The following PHLDB1 variants were observed in gnomAD, a reference collection of about 807,000 sequenced individuals.
PHLDB1 encodes pleckstrin homology like domain family B member 1, also known as pleckstrin homology-like domain family B member 1.
Under a neutral mutation model 139.3 loss-of-function variants are expected in PHLDB1, and 65 were observed. The observed-to-expected ratio is 0.47, with a 90% CI of 0.38 to 0.57. PHLDB1 has a LOEUF of 0.57. Ranked by LOEUF, PHLDB1 falls within the 20% of genes least tolerant of loss-of-function variation. The pLI, the probability that PHLDB1 is intolerant of heterozygous loss-of-function variation, is 0.00. For missense variants in PHLDB1, 1,624 were observed against 1,839.7 expected, an observed-to-expected ratio of 0.88 and a Z score of 2.14; for synonymous variants, 679 against 734.5, an observed-to-expected ratio of 0.92 and a Z score of 1.22.
Position 118,639,214 on chromosome 11 carries a change from G to A in PHLDB1, c.2699G>A (p.Gly900Asp), listed in dbSNP as rs782422018. The part of the protein sequence containing the change: ...LERRYHSLTG[G>D]RPFPKTTSTL... ...AGGAGATACCACTCACTCACAGGGG[G>A]CAGGCCTTTCCCGAAGACCACATCG... is the stretch of plus-strand genomic sequence containing the variant. The change falls in exon 12 of 23, where the codon GGC (glycine) becomes GAC (aspartate). Residue 900 changes from glycine (G) to aspartate (D), a missense_variant. Coordinates refer to ENST00000600882, the MANE Select transcript of PHLDB1 (RefSeq NM_001144758.3). The A allele has an allele frequency of 6.2e-7, 1 of 1,614,138 alleles. No individual in the cohort carries two copies. Among genetic ancestry groups the A allele is most frequent in the South Asian group, 1.1e-5 (1 of 91,082 alleles).
intron 4 of PHLDB1, chr11:118,621,437 A>T (rs1352547579): frequency 6.6e-6 from 1 of 152,108 alleles, no homozygotes; most frequent in Non-Finnish European, 1.5e-5. Flanking sequence ...TAGAGCCGGC[A>T]GCTCGGGAGG....
Position 118,650,767 on chromosome 11 carries a change from T to A in PHLDB1, c.3874+220T>A, listed in dbSNP as rs1273946688. 3 of 571,292 alleles carry A rather than the reference T, an allele frequency of 5.3e-6. No homozygotes were observed. The South Asian group carries it at 6.1e-5, about 12-fold the overall frequency. The allele number at this position is 571,292 out of a possible 1,614,324, so 35.4% of individuals were successfully genotyped here. On this transcript the variant is annotated intron_variant, in intron 20 of 22. Coordinates refer to ENST00000600882, the MANE Select transcript of PHLDB1 (RefSeq NM_001144758.3). The surrounding 1 kb of genome is among the most constrained non-coding windows in gnomAD (Gnocchi z 4.7). ...CTTCATTCAGCAATGTTACTAAGCA[T>A]CTAGTAAGTTCTAGGCACTGTTCTA...
At chr11:118,641,467 G>A (rs939009237) in intron 12 of PHLDB1, 13 of 324,176 alleles carry the variant, frequency 4.0e-5, no homozygotes, top group African/African-American at 1.1e-4. Flanking sequence ...GGATGAGGGT[G>A]TCGAGTTGAG....
At position 118,620,596 on chromosome 11, in the gene PHLDB1, T is replaced by C. The variant is rs1366027779; in HGVS notation, c.356-4338T>C. On this transcript the variant is annotated intron_variant, in intron 4 of 22. Coordinates refer to ENST00000600882, the MANE Select transcript of PHLDB1 (RefSeq NM_001144758.3). This position sits in a 1 kb window ranked among gnomAD's most constrained non-coding sequence, Gnocchi z 4.1. ...TTTCCCAAGTAGGATGGGTACCTTA[T>C]TGGGGTCGGAGGGCTCTTTGCTGGG... 2.0e-5 allele frequency among the ~76,000 whole-genome samples: 3 copies of C among 152,160 alleles called. No homozygotes were observed. Among genetic ancestry groups the C allele is most frequent in the African/African-American group, 7.2e-5 (3 of 41,450 alleles).
intron 4 of PHLDB1, among the ~76,000 whole-genome samples, chr11:118,618,924 A>T (rs1226174467): frequency 6.6e-6 from 1 of 151,770 alleles, no homozygotes; most frequent in Non-Finnish European, 1.5e-5. Flanking sequence ...GGGAAAGGGG[A>T]GGCAGGCAGA....
At chr11:118,633,269 G>C (rs1443585693) in intron 9 of PHLDB1, 3 of 152,238 alleles carry the variant, frequency 2.0e-5, no homozygotes, top group Non-Finnish European at 2.9e-5. Context: ...GTTTTTATAT[G>C]AAAGGAATTG....
At chr11:118,628,901 T>C (rs1944323973) in intron 6 of PHLDB1, among the ~76,000 whole-genome samples, 1 of 152,276 alleles carries the variant, frequency 6.6e-6, no homozygotes, top group African/African-American at 2.4e-5. Flanking sequence ...TAGCATTTGT[T>C]TTAATGTTAA....
intron 10 of PHLDB1, among the ~76,000 whole-genome samples, chr11:118,638,534 G>A (rs1946011888): frequency 6.6e-6 from 1 of 152,184 alleles, no homozygotes; most frequent in Non-Finnish European, 1.5e-5. Flanking sequence ...TCCAGACCAG[G>A]GAAGCAGAGG....
In PHLDB1 at chr11:118,656,907, G is replaced by A; in HGVS notation, c.*84G>A. 7.9e-7 allele frequency: 1 copy of A among 1,271,258 alleles called. No homozygotes were observed. Among genetic ancestry groups the A allele is most frequent in the South Asian group, 1.5e-5 (1 of 65,858 alleles). The allele number at this position is 1,271,258 out of a possible 1,614,324, so 78.7% of individuals were successfully genotyped here. A position where few individuals can be genotyped will look rare whatever the true frequency, so the allele number is the denominator to read the frequency against. ...TTCTGTAAGGAGCTTGGTCCTGTGAGTTTCTGGGCTCTGGCCTCCTGAAGA... is the reference window on the plus strand; with the variant it reads ...TTCTGTAAGGAGCTTGGTCCTGTGAATTTCTGGGCTCTGGCCTCCTGAAGA... On this transcript the variant is annotated 3_prime_UTR_variant, in exon 23 of 23. Coordinates refer to ENST00000600882, the MANE Select transcript of PHLDB1 (RefSeq NM_001144758.3).
intron 9 of PHLDB1, 104 bp from the exon 10 acceptor site, chr11:118,635,289 C>T: frequency 7.5e-7 from 1 of 1,342,232 alleles, no homozygotes; most frequent in Non-Finnish European, 1.0e-6. Context: ...TACCCAATTT[C>T]CCCGGGTCCA....
intron 15 of PHLDB1, chr11:118,644,719 C>T: frequency 7.8e-7 from 1 of 1,282,784 alleles, no homozygotes; most frequent in Non-Finnish European, 1.0e-6. Context: ...GAGGGCATTG[C>T]TTTGGCCAGG....
In PHLDB1 at chr11:118,650,829, A is replaced by G. The variant is rs139388300; in HGVS notation, c.3874+282A>G. ...TGAGTAAGATGGCCACAGCGCTCTC[A>G]TGGAGCTTATAATCAGGGAAGCAGA... On this transcript the variant is annotated intron_variant, in intron 20 of 22. Coordinates refer to ENST00000600882, the MANE Select transcript of PHLDB1 (RefSeq NM_001144758.3). The surrounding 1 kb of genome is among the most constrained non-coding windows in gnomAD (Gnocchi z 4.7). 4.3e-6 allele frequency: 2 copies of G among 464,506 alleles called. No individual in the cohort carries two copies. Among genetic ancestry groups the G allele is most frequent in the African/African-American group, 2.0e-5 (1 of 50,966 alleles). 28.8% of individuals were successfully genotyped at this position (464,506 alleles called of 1,614,324 possible). A position where few individuals can be genotyped will look rare whatever the true frequency, so the allele number is the denominator to read the frequency against.
At chr11:118,640,898 G>A (rs1051904742) in intron 12 of PHLDB1, 5 of 152,312 alleles carry the variant, frequency 3.3e-5, no homozygotes, top group African/African-American at 9.6e-5. Flanking sequence ...AGAGTGGAGG[G>A]CAGGAGGAGC....
At chr11:118,627,233 A>AG in intron 5 of PHLDB1, 72 bp from the exon 6 acceptor site, 2 of 1,447,534 alleles carry the variant, frequency 1.4e-6, no homozygotes, top group Non-Finnish European at 1.9e-6. Flanking sequence ...TGCTAGGAGG[A>AG]GGGGGGCTAG....
chr11:118,629,930 C>T (rs543363333), intron 6 of PHLDB1: 39 of 1,084,142 alleles, frequency 3.6e-5, no homozygotes, highest in East Asian at 2.9e-4. Context: ...GGAGGCTGCC[C>T]GCCCTGCCCC....
intron 1 of PHLDB1, among the ~76,000 whole-genome samples, chr11:118,609,766 C>G (rs1555082140): frequency 6.6e-6 from 1 of 152,230 alleles, no homozygotes; most frequent in South Asian, 2.1e-4. Context: ...AACACTGCGG[C>G]CTTGTCCCAC....
rs1947131775 is a variant in PHLDB1 at position 118,644,535 on chromosome 11, C to T, written c.3121+361C>T. ...TATTGGCTCTGGGGACCCAGGAGTCCTTGTTGCTTGTGTGCAATTTGGTTG... is the reference window on the plus strand; with the variant it reads ...TATTGGCTCTGGGGACCCAGGAGTCTTTGTTGCTTGTGTGCAATTTGGTTG... On this transcript the variant is annotated intron_variant, in intron 15 of 22. Coordinates refer to ENST00000600882, the MANE Select transcript of PHLDB1 (RefSeq NM_001144758.3). 1.5e-5 allele frequency: 9 copies of T among 588,614 alleles called. 1 individual carries two copies. Among genetic ancestry groups the T allele is most frequent in the East Asian group, 1.3e-4 (2 of 14,940 alleles). 36.5% of individuals were successfully genotyped at this position (588,614 alleles called of 1,614,324 possible).
At chr11:118,638,868 A>G in intron 10 of PHLDB1, 23 bp from the exon 11 acceptor site, 1 of 1,578,296 alleles carries the variant, frequency 6.3e-7, no homozygotes. Flanking sequence ...CCAGGGCCTG[A>G]TCAACCACCC....
chr11:118,642,375 A>G lies in PHLDB1; in HGVS notation c.2858A>G (p.Lys953Arg). 1 of 1,609,648 alleles carries G rather than the reference A, an allele frequency of 6.2e-7. No homozygotes were observed. Among genetic ancestry groups the G allele is most frequent in the Non-Finnish European group, 8.5e-7 (1 of 1,179,900 alleles). Reference protein sequence around the residue: ...PHSSPPPLPAKASRQLQVYRS... With the variant: ...PHSSPPPLPARASRQLQVYRS... Reference sequence around the variant, plus strand: ...TCTTCTCCCCCGCCTCTGCCCGCCAAAGCTTCCCGTCAGCTGCAGGTAACC... The same window carrying G: ...TCTTCTCCCCCGCCTCTGCCCGCCAGAGCTTCCCGTCAGCTGCAGGTAACC... Residue 953 changes from lysine (K) to arginine (R), a missense_variant, in exon 13 of 23, where the codon AAA (lysine) becomes AGA (arginine). Physicochemically the swap from Lys to Arg is conservative, Grantham distance 26. Transcript: ENST00000600882.
Sources: gnomAD v4.1 joint callset for allele counts (sites outside exome capture counted in the v4.1 genomes callset) on GRCh38, gnomAD v4.1.1 for gene constraint, Gnocchi (gnomAD v3.1) non-coding constraint, MANE v1.5 for transcripts, NCBI Gene and HGNC (gene_info 2026-07-23, HGNC 2026-07-21) for gene names.